Variants in DGKB observed in about 807,000 individuals in gnomAD.
The protein encoded by DGKB is diacylglycerol kinase beta, also known as 90 kDa diacylglycerol kinase.
DGKB carries 67 observed loss-of-function variants against 114.3 expected under a neutral mutation model. That is an observed-to-expected ratio of 0.59 (90% CI 0.48 to 0.72). The LOEUF (loss-of-function observed/expected upper bound fraction) is 0.72, where lower values mean the gene tolerates loss of function less well. DGKB is among the 30% of genes least tolerant of loss of function. The probability of loss-of-function intolerance (pLI) is 0.00; values close to 1 mark genes in which losing one functional copy is unlikely to be tolerated. For missense variants in DGKB, 907 were observed against 975.2 expected, an observed-to-expected ratio of 0.93 and a Z score of 0.93; for synonymous variants, 398 against 323.1, an observed-to-expected ratio of 1.23 and a Z score of -2.49.
chr7:14,596,500 C>G (rs1270763288), intron 17 of DGKB, among the ~76,000 whole-genome samples: 1 of 152,122 alleles, frequency 6.6e-6, no homozygotes, highest in Non-Finnish European at 1.5e-5. Flanking sequence ...GGGGATATGC[C>G]TGGAAGTCAT....
intron 21 of DGKB, among the ~76,000 whole-genome samples, chr7:14,471,213 T>TACATATATGTATGGAATATATGTATAC (rs1563257633): frequency 1.9e-5 from 1 of 52,396 alleles, no homozygotes; most frequent in Non-Finnish European, 3.7e-5. Flanking sequence ...TATATGTATA[T>TACATATATGTATGGAATATATGTATAC]ATACATATAT....
In DGKB at chr7:14,284,502, T is replaced by C. The variant is rs13311327; in HGVS notation, c.2122+54013A>G. ...GAAATACCATTTGACCCAGCCATCC[T>C]ATTACTGGGTATATACCCAAAGGAC... On this transcript the variant is annotated intron_variant, in intron 23 of 25. Coordinates refer to ENST00000402815, the MANE Select transcript of DGKB (RefSeq NM_001350709.2). Among the ~76,000 whole-genome samples, 517 of 140,756 alleles carry C rather than the reference T, an allele frequency of 3.7e-3. 5 individuals carry two copies. Among genetic ancestry groups the C allele is most frequent in the African/African-American group, 0.015 (476 of 31,122 alleles). The allele number at this position is 140,756 out of a possible 152,430, so 92.3% of individuals were successfully genotyped here. A position where few individuals can be genotyped will look rare whatever the true frequency, so the allele number is the denominator to read the frequency against.
intron 13 of DGKB, among the ~76,000 whole-genome samples, chr7:14,630,501 A>T (rs1193274005): frequency 3.3e-5 from 5 of 152,084 alleles, no homozygotes; most frequent in Admixed American, 3.3e-4. Flanking sequence ...TCCAAAACAC[A>T]ACTTCATCTA....
chr7:14,694,309 G>A (rs2128995755), intron 8 of DGKB, 115 bp from the exon 9 acceptor site: 1 of 911,186 alleles, frequency 1.1e-6, no homozygotes, highest in Non-Finnish European at 1.6e-6. Context: ...TAACTGTCTT[G>A]CTAACTCAGT....
chr7:14,930,336 A>G (rs1351699985), intron 1 of DGKB, among the ~76,000 whole-genome samples: 1 of 152,320 alleles, frequency 6.6e-6, no homozygotes, highest in Middle Eastern at 3.4e-3. Flanking sequence ...ATTTCTTCCA[A>G]TTCATAAGCA....
At chr7:14,700,878 A>G (rs1334964161) in intron 7 of DGKB, among the ~76,000 whole-genome samples, 1 of 152,168 alleles carries the variant, frequency 6.6e-6, no homozygotes, top group Non-Finnish European at 1.5e-5. Context: ...TTCTATTAAT[A>G]TTCTTATATT....
intron 21 of DGKB, among the ~76,000 whole-genome samples, chr7:14,386,884 A>T (rs1206812739): frequency 6.6e-6 from 1 of 152,132 alleles, no homozygotes; most frequent in Non-Finnish European, 1.5e-5. Flanking sequence ...TTTTAAAATT[A>T]TCTAGTAGAA....
At chr7:14,713,189 C>T (rs1827645600) in intron 6 of DGKB, among the ~76,000 whole-genome samples, 1 of 151,858 alleles carries the variant, frequency 6.6e-6, no homozygotes, top group Non-Finnish European at 1.5e-5. Context: ...ATTTTTTTTC[C>T]TTCCAAAAGA....
At chr7:14,281,176 C>A (rs1196731821) in intron 23 of DGKB, among the ~76,000 whole-genome samples, 2 of 151,070 alleles carry the variant, frequency 1.3e-5, no homozygotes, top group Admixed American at 6.6e-5. Context: ...ATCTACCAAG[C>A]AAATGGAGAA....
chr7:14,330,095 C>T (rs542489875), intron 23 of DGKB, among the ~76,000 whole-genome samples: 1 of 152,004 alleles, frequency 6.6e-6, no homozygotes, highest in South Asian at 2.1e-4. Flanking sequence ...TTGCAAAAAT[C>T]AATAGCTAGA....
At chr7:14,496,334 A>C (rs1785304523) in intron 20 of DGKB, among the ~76,000 whole-genome samples, 1 of 151,678 alleles carries the variant, frequency 6.6e-6, no homozygotes, top group South Asian at 2.1e-4. Flanking sequence ...AAAAATATAA[A>C]AGTTTAAAAG....
intron 25 of DGKB, among the ~76,000 whole-genome samples, chr7:14,150,410 C>G (rs1181357293): frequency 6.6e-6 from 1 of 152,056 alleles, no homozygotes; most frequent in African/African-American, 2.4e-5. Context: ...AAATGTACAT[C>G]ACGTGGACAG....
rs533844848 is a variant in DGKB, at chr7:14,482,325, A to C, written c.1771-4100T>G. 2.7e-5 allele frequency among the ~76,000 whole-genome samples: 4 copies of C among 149,170 alleles called. No homozygotes were observed. In the East Asian group the frequency reaches 5.8e-4, roughly 22 times the overall value. ...CTTTGGTTTATTGAGATGGTTAATTAAATAAATTGCATAATCTTTAAGATG... is the reference window on the plus strand; with the variant it reads ...CTTTGGTTTATTGAGATGGTTAATTCAATAAATTGCATAATCTTTAAGATG... On this transcript the variant is annotated intron_variant, in intron 20 of 25. Coordinates refer to ENST00000402815, the MANE Select transcript of DGKB (RefSeq NM_001350709.2).
At chr7:14,941,689 G>T (rs1381515040) in intron 1 of DGKB, among the ~76,000 whole-genome samples, 1 of 151,846 alleles carries the variant, frequency 6.6e-6, no homozygotes, top group Admixed American at 6.6e-5. Context: ...TTGAGAAACC[G>T]GGTAGCAAAA....
In DGKB at chr7:14,398,520, T is replaced by C. The variant is rs149087630; in HGVS notation, c.1836-53129A>G. Among the ~76,000 whole-genome samples the C allele has an allele frequency of 1.7e-3, 266 of 152,122 alleles. 1 individual carries two copies. Among genetic ancestry groups the C allele is most frequent in the African/African-American group, 6.1e-3 (255 of 41,542 alleles). On this transcript the variant is annotated intron_variant, in intron 21 of 25. Transcript: ENST00000402815. ...AGCGAGGCAAAGCTATAAAATTCTT[T>C]TATAAAAAAGAAAACTTACTGGGAT... is the stretch of plus-strand genomic sequence containing the variant.
At chr7:14,522,200 T>C (rs1341594512) in intron 20 of DGKB, among the ~76,000 whole-genome samples, 3 of 152,134 alleles carry the variant, frequency 2.0e-5, no homozygotes, top group African/African-American at 7.2e-5. Context: ...TAGATTACAT[T>C]TGAAGTTTTT....
intron 23 of DGKB, among the ~76,000 whole-genome samples, chr7:14,212,464 T>A (rs1450266160): frequency 1.3e-5 from 2 of 151,908 alleles, no homozygotes; most frequent in Admixed American, 6.6e-5. Flanking sequence ...TCTACATCTC[T>A]GGACACTTAT....
intron 23 of DGKB, among the ~76,000 whole-genome samples, chr7:14,251,046 G>T (rs1030563025): frequency 6.6e-6 from 1 of 152,042 alleles, no homozygotes; most frequent in African/African-American, 2.4e-5. Context: ...GTCTCTTTTA[G>T]GAGGTGTATA....
rs56032330 is a variant in DGKB, at chr7:14,923,983, C to CAAA, written c.-188+50710_-188+50712dup. Among the ~76,000 whole-genome samples the CAAA allele has an allele frequency of 1.2e-3, 92 of 76,140 alleles. 5 individuals are homozygous for CAAA. Among genetic ancestry groups the CAAA allele is most frequent in the African/African-American group, 6.1e-3 (84 of 13,702 alleles). The allele number at this position is 76,140 out of a possible 152,430, so 50.0% of individuals were successfully genotyped here. A position where few individuals can be genotyped will look rare whatever the true frequency, so the allele number is the denominator to read the frequency against. The stretch of plus-strand genomic sequence containing the variant: ...TGGGCAACACAGTGAAGCTCCATCT[C>CAAA]AAAAAAAAAAAAAAAAAAAAAGCTT... On this transcript the variant is annotated intron_variant, in intron 1 of 4. Coordinates refer to the DGKB transcript ENST00000437998.
Sources: gnomAD v4.1 joint callset for allele counts (sites outside exome capture counted in the v4.1 genomes callset) on GRCh38, gnomAD v4.1.1 for gene constraint, MANE v1.5 for transcripts, NCBI Gene and HGNC (gene_info 2026-07-23, HGNC 2026-07-21) for gene names.